The following PRICKLE2 variants were observed in gnomAD, a reference collection of about 807,000 sequenced individuals.
PRICKLE2 encodes prickle-like protein 2.
A neutral mutation model predicts 81.4 loss-of-function variants in PRICKLE2; 21 were observed. The ratio of observed to expected loss-of-function variants is 0.26; its 90% CI spans 0.18 to 0.37. PRICKLE2 has a LOEUF of 0.37. Among genes scored for constraint, PRICKLE2 ranks in the 10% least tolerant of loss-of-function variants. The pLI is 1.00. For missense variants in PRICKLE2, 940 were observed against 1,109.0 expected, an observed-to-expected ratio of 0.85 and a Z score of 2.16; for synonymous variants, 456 against 421.5, an observed-to-expected ratio of 1.08 and a Z score of -1.00.
chr3:64,214,767 T>C (rs911279159), intron 1 of PRICKLE2, among the ~76,000 whole-genome samples: 1 of 152,186 alleles, frequency 6.6e-6, no homozygotes, highest in Non-Finnish European at 1.5e-5. Flanking sequence ...GGTTGAAGGA[T>C]GTACCCCTCC....
intron 2 of PRICKLE2, among the ~76,000 whole-genome samples, chr3:64,195,572 T>C (rs2078438923): frequency 1.3e-5 from 2 of 152,136 alleles, no homozygotes; most frequent in African/African-American, 2.4e-5. Context: ...GATAGAAAAA[T>C]AGACTTTCTC....
At chr3:64,152,539 A>C (rs191356834) in intron 6 of PRICKLE2, among the ~76,000 whole-genome samples, 55 of 151,744 alleles carry the variant, frequency 3.6e-4, no homozygotes, top group African/African-American at 1.3e-3. Context: ...ATTTGGCTGG[A>C]GTAGCTTTTG....
chr3:64,260,377 A>G (rs561421238), intron 2 of PRICKLE2, among the ~76,000 whole-genome samples: 2 of 152,338 alleles, frequency 1.3e-5, no homozygotes, highest in Admixed American at 6.5e-5. Context: ...TGCACTAGAT[A>G]ATCTCCATGG....
chr3:64,161,291 A>G (rs376456000), intron 3 of PRICKLE2, among the ~76,000 whole-genome samples: 7 of 152,180 alleles, frequency 4.6e-5, no homozygotes, highest in East Asian at 3.9e-4. Flanking sequence ...TATATACCAC[A>G]CTTTGGGAAA....
chr3:64,217,366 G>A (rs1406496274), intron 1 of PRICKLE2, among the ~76,000 whole-genome samples: 4 of 152,140 alleles, frequency 2.6e-5, no homozygotes, highest in East Asian at 1.9e-4. Context: ...GGGTACAAGT[G>A]CAGTTTTGAT....
At chr3:64,256,916 T>TTCATTTAAA (rs1421815807) in intron 2 of PRICKLE2, among the ~76,000 whole-genome samples, 2 of 152,184 alleles carry the variant, frequency 1.3e-5, no homozygotes, top group Non-Finnish European at 2.9e-5. Context: ...ATATGAGTCT[T>TTCATTTAAA]TTTTGGCACT....
intron 2 of PRICKLE2, among the ~76,000 whole-genome samples, chr3:64,257,374 T>A (rs1199269873): frequency 2.0e-5 from 3 of 151,990 alleles, no homozygotes; most frequent in African/African-American, 4.8e-5. Context: ...ACACTGGGGA[T>A]GGGAGTATGA....
At chr3:64,183,817 C>T (rs975091336) in intron 2 of PRICKLE2, among the ~76,000 whole-genome samples, 6 of 152,188 alleles carry the variant, frequency 3.9e-5, no homozygotes, top group African/African-American at 1.2e-4. Flanking sequence ...TGCCTGAAAA[C>T]AAACTTTTCT....
At chr3:64,247,487 T>C (rs2079375603) in intron 2 of PRICKLE2, among the ~76,000 whole-genome samples, 1 of 152,220 alleles carries the variant, frequency 6.6e-6, no homozygotes, top group Non-Finnish European at 1.5e-5. Context: ...TTGTCTTACA[T>C]CATACATAAT....
intron 2 of PRICKLE2, among the ~76,000 whole-genome samples, chr3:64,256,211 C>T (rs549737912): frequency 2.6e-5 from 4 of 152,202 alleles, no homozygotes; most frequent in African/African-American, 4.8e-5. Flanking sequence ...CCCCACAGCC[C>T]GTTTCTATAT....
chr3:64,254,731 T>C (rs1263439604), intron 2 of PRICKLE2, among the ~76,000 whole-genome samples: 1 of 152,212 alleles, frequency 6.6e-6, no homozygotes, highest in Non-Finnish European at 1.5e-5. Flanking sequence ...CCTTCTGTTG[T>C]AAACCCACAT....
upstream of PRICKLE2, among the ~76,000 whole-genome samples, chr3:64,228,641 T>C (rs2079061356): frequency 6.6e-6 from 1 of 152,108 alleles, no homozygotes; most frequent in Non-Finnish European, 1.5e-5. Context: ...CATATTGTTT[T>C]TCTAAAAAAC....
rs1352149084 is a variant in PRICKLE2, at chr3:64,160,064, T to C, written c.272A>G (p.Asn91Ser). ...PPHDNEVRYC[N>S]SLDEEEKREL... Reference sequence around the variant, plus strand: ...CCTCTTCTCTTCCTCATCCAGGGAGTTGCAATATCGAACCTGAATAGACAC... The same window carrying C: ...CCTCTTCTCTTCCTCATCCAGGGAGCTGCAATATCGAACCTGAATAGACAC... Residue 91 changes from asparagine (N) to serine (S), a missense_variant, in exon 4 of 8, where the codon AAC becomes AGC. Physicochemically the swap from Asn to Ser is conservative, Grantham distance 46. This residue lies in a region of PRICKLE2 where 270 missense variants were observed against 391.8 expected (regional missense o/e 0.69). Transcript: ENST00000638394. 2 of 1,613,816 alleles carry C rather than the reference T, an allele frequency of 1.2e-6. No individual in the cohort carries two copies. The highest frequency in any genetic ancestry group is 2.7e-5 in the African/African-American group (2 of 74,838).
intron 1 of PRICKLE2, among the ~76,000 whole-genome samples, chr3:64,205,043 C>CT (rs202147810): frequency 2.6e-4 from 39 of 147,350 alleles, no homozygotes; most frequent in East Asian, 2.2e-3. Flanking sequence ...TATGATTTGG[C>CT]TTTTTTTTTA....
At chr3:64,184,009 T>C (rs2078178847) in intron 2 of PRICKLE2, among the ~76,000 whole-genome samples, 1 of 152,238 alleles carries the variant, frequency 6.6e-6, no homozygotes, top group South Asian at 2.1e-4. Context: ...TCTTAAATAT[T>C]AAATCCAAGG....
intron 1 of PRICKLE2, 190 bp from the exon 2 acceptor site, chr3:64,199,157 A>G (rs1478173209): frequency 4.7e-6 from 3 of 632,066 alleles, no homozygotes; most frequent in African/African-American, 3.7e-5. Context: ...CACGCATGTG[A>G]AAACAGCATG....
intron 1 of PRICKLE2, among the ~76,000 whole-genome samples, chr3:64,220,094 C>T (rs1441394326): frequency 6.6e-6 from 1 of 152,174 alleles, no homozygotes; most frequent in Non-Finnish European, 1.5e-5. Flanking sequence ...TCTATATTAA[C>T]AGTTACCTTA....
At chr3:64,265,480 A>G (rs910676039) in intron 2 of PRICKLE2, among the ~76,000 whole-genome samples, 2 of 152,214 alleles carry the variant, frequency 1.3e-5, no homozygotes, top group Non-Finnish European at 2.9e-5. Flanking sequence ...AATGTGACTG[A>G]GTACTTTTCA....
intron 7 of PRICKLE2, among the ~76,000 whole-genome samples, chr3:64,120,780 T>C (rs2077012315): frequency 6.6e-6 from 1 of 152,120 alleles, no homozygotes; most frequent in Non-Finnish European, 1.5e-5. Context: ...GGGCTGTACC[T>C]GAGCATGCCA....
Sources: gnomAD v4.1 joint callset for allele counts (sites outside exome capture counted in the v4.1 genomes callset) on GRCh38, gnomAD v4.1.1 for gene constraint, gnomAD v4.1.1 regional missense constraint, MANE v1.5 for transcripts, NCBI Gene and HGNC (gene_info 2026-07-23, HGNC 2026-07-21) for gene names.